PLEKHA3: variants seen among roughly 807,000 people sequenced by gnomAD.
PLEKHA3 encodes pleckstrin homology domain containing A3, also known as pleckstrin homology domain-containing family A member 3.
Under a neutral mutation model 39.2 loss-of-function variants are expected in PLEKHA3, and 19 were observed. That is an observed-to-expected ratio of 0.48 (90% CI 0.34 to 0.71). The LOEUF is 0.71. PLEKHA3 is among the 30% of genes least tolerant of loss of function. PLEKHA3 has a pLI of 0.01. For synonymous variants in PLEKHA3, 97 were observed against 118.6 expected, an observed-to-expected ratio of 0.82 and a Z score of 1.18; for missense variants, 253 against 359.5, an observed-to-expected ratio of 0.70 and a Z score of 2.40.
At position 178,480,786 on chromosome 2, in the gene PLEKHA3, G is replaced by C. The variant is rs932194829; in HGVS notation, c.-84G>C. ...GGCGGAGGGGGCCCGGGCGGGCCGGGAGGGGCTGCCCCAGGCCCTGCGCCT... is the reference window on the plus strand; with the variant it reads ...GGCGGAGGGGGCCCGGGCGGGCCGGCAGGGGCTGCCCCAGGCCCTGCGCCT... On this transcript the variant is annotated 5_prime_UTR_variant, in exon 1 of 8. Coordinates refer to ENST00000234453, the MANE Select transcript of PLEKHA3 (RefSeq NM_019091.4). 3 of 1,212,670 alleles carry C rather than the reference G, an allele frequency of 2.5e-6. No homozygotes were observed. Among genetic ancestry groups the C allele is most frequent in the Admixed American group, 3.5e-5 (1 of 28,630 alleles). The allele number at this position is 1,212,670 out of a possible 1,614,324, so 75.1% of individuals were successfully genotyped here.
intron 3 of PLEKHA3, 53 bp downstream of exon 3, chr2:178,490,867 A>G: frequency 2.9e-6 from 4 of 1,391,058 alleles, no homozygotes; most frequent in East Asian, 2.5e-5. Context: ...ATATAAATAT[A>G]AATGTAACTA....
At chr2:178,491,675 A>T (rs918079643) in intron 3 of PLEKHA3, among the ~76,000 whole-genome samples, 2 of 152,228 alleles carry the variant, frequency 1.3e-5, no homozygotes, top group Non-Finnish European at 2.9e-5. Context: ...CAATTTCTTG[A>T]TAGTGAGATT....
At chr2:178,497,271 C>T (rs1344264229) in intron 5 of PLEKHA3, among the ~76,000 whole-genome samples, 4 of 151,916 alleles carry the variant, frequency 2.6e-5, no homozygotes, top group Admixed American at 6.6e-5. Flanking sequence ...TGCTCTGTCG[C>T]CCAGGCTGGA....
Position 178,506,856 on chromosome 2 carries a change from GGTAGGTA to G in PLEKHA3, c.*2971_*2977del, listed in dbSNP as rs916782925. 6.6e-6 allele frequency: 1 copy of G among 152,072 alleles called. No homozygotes were observed. Among genetic ancestry groups the G allele is most frequent in the Non-Finnish European group, 1.5e-5 (1 of 67,996 alleles). The allele number at this position is 152,072 out of a possible 1,614,324, so 9.4% of individuals were successfully genotyped here. On this transcript the variant is annotated 3_prime_UTR_variant, in exon 8 of 8. Transcript: ENST00000234453. ...TAATAACCCTGGCGGGTAAATGAAT[GGTAGGTA>G]GCTGGTAGGTAGGCCTTCTTGTTCA...
rs1685566883 is a variant in PLEKHA3 at position 178,503,810 on chromosome 2, A to G, written c.826A>G (p.Thr276Ala). ...NTLNGDLASATIPEESRLMAK... is the reference protein window; with the variant it reads ...NTLNGDLASAAIPEESRLMAK... The stretch of plus-strand genomic sequence containing the variant: ...ACTTAATGGAGATTTGGCATCAGCA[A>G]CCATTCCTGAAGAAAGCAGACTTAT... Residue 276 changes from threonine (T) to alanine (A), a missense_variant, in exon 8 of 8, where the codon ACC becomes GCC. Thr to Ala is a moderately conservative substitution (Grantham distance 58). Coordinates refer to ENST00000234453, the MANE Select transcript of PLEKHA3 (RefSeq NM_019091.4). 2.5e-6 allele frequency: 4 copies of G among 1,611,900 alleles called. No homozygotes were observed. Among genetic ancestry groups the G allele is most frequent in the Non-Finnish European group, 3.4e-6 (4 of 1,178,390 alleles).
In PLEKHA3 at chr2:178,514,016, T is replaced by C. The variant is rs758356179; in HGVS notation, c.*10129T>C. The C allele has an allele frequency of 6.6e-6, 1 of 152,184 alleles. No homozygotes were observed. The highest frequency in any genetic ancestry group is 1.5e-5 in the Non-Finnish European group (1 of 68,038). 9.4% of individuals were successfully genotyped at this position (152,184 alleles called of 1,614,324 possible). A position where few individuals can be genotyped will look rare whatever the true frequency, so the allele number is the denominator to read the frequency against. ...CTTCAGAATTGGCATCCTCGGGTGA[T>C]TGTCCATAGCCTCTTGCAATGGTGC... is the stretch of plus-strand genomic sequence containing the variant. On this transcript the variant is annotated 3_prime_UTR_variant, in exon 8 of 8. Coordinates refer to ENST00000234453, the MANE Select transcript of PLEKHA3 (RefSeq NM_019091.4).
At chr2:178,496,526 G>A (rs1383316179) in intron 5 of PLEKHA3, among the ~76,000 whole-genome samples, 1 of 152,074 alleles carries the variant, frequency 6.6e-6, no homozygotes, top group African/African-American at 2.4e-5. Flanking sequence ...ATGAGATTTA[G>A]TAAAGATTAT....
chr2:178,488,939 C>T (rs901416073), intron 2 of PLEKHA3: 7 of 451,322 alleles, frequency 1.6e-5, no homozygotes, highest in African/African-American at 4.1e-5. Context: ...GTTTTGGAAG[C>T]ATCATTTTTA....
rs887512556 is a variant in PLEKHA3 at position 178,510,387 on chromosome 2, A to T, written c.*6500A>T. 2 of 153,742 alleles carry T rather than the reference A, an allele frequency of 1.3e-5. No homozygotes were observed. Among genetic ancestry groups the T allele is most frequent in the Non-Finnish European group, 2.9e-5 (2 of 68,054 alleles). The allele number at this position is 153,742 out of a possible 1,614,324, so 9.5% of individuals were successfully genotyped here. ...AAGTATAGGAGATAAGATAATGCAGATGATGTTTGTTATGCCTTACCTACC... is the reference window on the plus strand; with the variant it reads ...AAGTATAGGAGATAAGATAATGCAGTTGATGTTTGTTATGCCTTACCTACC... On this transcript the variant is annotated 3_prime_UTR_variant, in exon 8 of 8. Transcript: ENST00000234453.
intron 2 of PLEKHA3, among the ~76,000 whole-genome samples, chr2:178,486,748 A>G (rs1336479744): frequency 2.0e-5 from 3 of 152,142 alleles, no homozygotes; most frequent in Non-Finnish European, 2.9e-5. Flanking sequence ...TGAATATCTC[A>G]CAATTTTGGT....
chr2:178,485,296 C>T (rs2154127567), intron 1 of PLEKHA3, among the ~76,000 whole-genome samples: 1 of 152,316 alleles, frequency 6.6e-6, no homozygotes. Context: ...GTAACCCCAA[C>T]TCTGTTCCTT....
chr2:178,488,216 G>A (rs1685283807), intron 2 of PLEKHA3, among the ~76,000 whole-genome samples: 1 of 152,198 alleles, frequency 6.6e-6, no homozygotes, highest in South Asian at 2.1e-4. Flanking sequence ...TGATATGTAG[G>A]AGTTCTTTGT....
intron 4 of PLEKHA3, 79 bp downstream of exon 4, chr2:178,494,068 A>G: frequency 6.8e-7 from 1 of 1,480,066 alleles, no homozygotes; most frequent in Non-Finnish European, 9.1e-7. Context: ...CCATAAGATG[A>G]CAGGCATTTT....
At chr2:178,490,126 AAG>A (rs1234976744) in intron 2 of PLEKHA3, among the ~76,000 whole-genome samples, 6 of 152,210 alleles carry the variant, frequency 3.9e-5, no homozygotes, top group African/African-American at 1.2e-4. Flanking sequence ...AAGAGGTAGA[AAG>A]AGGGGAAGAG....
In PLEKHA3 at chr2:178,480,638, C is replaced by T. The variant is rs1685141452; in HGVS notation, c.-232C>T. On this transcript the variant is annotated 5_prime_UTR_variant, in exon 1 of 8. Transcript: ENST00000234453. ...GTTGTCGCGGCCGCCGCCGCCGAGG[C>T]TTACCCGGGAATGTCTGGGCCCGCG... 9.1e-6 allele frequency: 3 copies of T among 330,704 alleles called. 1 individual carries two copies. Among genetic ancestry groups the T allele is most frequent in the Non-Finnish European group, 1.6e-5 (3 of 184,366 alleles). The allele number at this position is 330,704 out of a possible 1,614,324, so 20.5% of individuals were successfully genotyped here. A position where few individuals can be genotyped will look rare whatever the true frequency, so the allele number is the denominator to read the frequency against.
chr2:178,511,296 T>G lies in PLEKHA3; in HGVS notation c.*7409T>G, dbSNP rs1162553380. 2 of 152,158 alleles carry G rather than the reference T, an allele frequency of 1.3e-5. No homozygotes were observed. The highest frequency in any genetic ancestry group is 4.8e-5 in the African/African-American group (2 of 41,424). The allele number at this position is 152,158 out of a possible 1,614,324, so 9.4% of individuals were successfully genotyped here. ...TGATGCTGGCATTTTCTTCTTTCCC[T>G]GGATGTGACTGTTATTGTCTTTATT... On this transcript the variant is annotated 3_prime_UTR_variant, in exon 8 of 8. Transcript: ENST00000234453.
chr2:178,481,556 T>C (rs931125756), intron 1 of PLEKHA3, among the ~76,000 whole-genome samples: 4 of 152,100 alleles, frequency 2.6e-5, no homozygotes, highest in Non-Finnish European at 5.9e-5. Flanking sequence ...TGAAGTGGGT[T>C]GGAAGGAAAA....
In PLEKHA3 at chr2:178,515,876, A is replaced by G. The variant is rs546513490; in HGVS notation, c.*11989A>G. On this transcript the variant is annotated 3_prime_UTR_variant, in exon 8 of 8. Coordinates refer to ENST00000234453, the MANE Select transcript of PLEKHA3 (RefSeq NM_019091.4). ...TATCATTCACATTTGCACCCTAACTATTGTTTTAACCTAAACATAAATAAG... is the reference window on the plus strand; with the variant it reads ...TATCATTCACATTTGCACCCTAACTGTTGTTTTAACCTAAACATAAATAAG... 2.6e-5 allele frequency: 4 copies of G among 152,200 alleles called. No homozygotes were observed. The highest frequency in any genetic ancestry group is 7.2e-5 in the African/African-American group (3 of 41,568). 9.4% of individuals were successfully genotyped at this position (152,200 alleles called of 1,614,324 possible).
rs928651752 is a variant in PLEKHA3 at position 178,480,780 on chromosome 2, G to A, written c.-90G>A. On this transcript the variant is annotated 5_prime_UTR_variant, in exon 1 of 8. Transcript: ENST00000234453. The stretch of plus-strand genomic sequence containing the variant: ...CGTGCCGGCGGAGGGGGCCCGGGCG[G>A]GCCGGGAGGGGCTGCCCCAGGCCCT... The A allele has an allele frequency of 8.6e-7, 1 of 1,168,886 alleles. No homozygotes were observed. The highest frequency in any genetic ancestry group is 1.1e-6 in the Non-Finnish European group (1 of 909,016). The allele number at this position is 1,168,886 out of a possible 1,614,324, so 72.4% of individuals were successfully genotyped here.
Sources: gnomAD v4.1 joint callset for allele counts (sites outside exome capture counted in the v4.1 genomes callset) on GRCh38, gnomAD v4.1.1 for gene constraint, MANE v1.5 for transcripts, NCBI Gene and HGNC (gene_info 2026-07-23, HGNC 2026-07-21) for gene names.